The following ITIH6 variants were observed in gnomAD, a reference collection of about 807,000 sequenced individuals.
The protein encoded by ITIH6 is inter-alpha-trypsin inhibitor heavy chain H6.
ITIH6 carries 60 observed loss-of-function variants against 58.2 expected under a neutral mutation model. The observed-to-expected ratio is 1.03, with a 90% CI of 0.84 to 1.28. ITIH6 has a LOEUF of 1.28. Among genes scored for constraint, ITIH6 ranks in the 50% most tolerant of loss-of-function variants. The pLI is 0.00. For synonymous variants in ITIH6, 493 were observed against 417.4 expected (o/e 1.18, Z -2.21); for missense variants, 1,290 against 1,021.1 (o/e 1.26, Z -3.59).
rs752542836 is a variant in ITIH6, at chrX:54,757,839, T to G, written c.2235A>C (p.Ser745=). 1.2e-5 allele frequency: 14 copies of G among 1,209,463 alleles called. No individual in the cohort carries two copies. The highest frequency in any genetic ancestry group is 1.6e-5 in the Non-Finnish European group (14 of 895,030). Residue 745 remains serine, a synonymous_variant, in exon 8 of 13, where the codon TCA becomes TCC. Coordinates refer to ENST00000218436, the MANE Select transcript of ITIH6 (RefSeq NM_198510.3). ...TLLPLKPGSL[S]HQNPDILPTN... ...TGGGTAATATATCAGGATTCTGGTG[T>G]GATAGAGAGCCGGGCTTCAGAGGCA...
intron 6 of ITIH6, among the ~76,000 whole-genome samples, chrX:54,764,514 A>G (rs1370494596): frequency 9.5e-6 from 1 of 105,197 alleles, no homozygotes; most frequent in Non-Finnish European, 1.9e-5. Context: ...GCAGTGTTTG[A>G]TTTTTTGTTC....
chrX:54,786,837 C>T (rs192810674), intron 5 of ITIH6, among the ~76,000 whole-genome samples: 2 of 111,640 alleles, frequency 1.8e-5, no homozygotes, highest in South Asian at 3.8e-4. Flanking sequence ...GATACCCTTC[C>T]GGGTTCCCAA....
chrX:54,757,519 A>G lies in ITIH6; in HGVS notation c.2555T>C (p.Ile852Thr), dbSNP rs150850201. The G allele has an allele frequency of 2.1e-3, 2,570 of 1,207,899 alleles. 27 individuals are homozygous for G. The African/African-American group carries it at 0.039, about 18-fold the overall frequency. The change falls in exon 8 of 13, where the codon ATC becomes ACC. Residue 852 changes from isoleucine (I) to threonine (T), a missense_variant. By Grantham distance (89) the Ile-to-Thr change is moderately conservative. Transcript: ENST00000218436. ...PGILLSKTPK[I>T]LLSLKPSAPP... is the part of the protein sequence containing the mutation. Reference sequence around the variant, plus strand: ...GGCACTCGGTTTAAGAGATAATAAGATTTTAGGGGTCTTGGACAAGAGGAT... The same window carrying G: ...GGCACTCGGTTTAAGAGATAATAAGGTTTTAGGGGTCTTGGACAAGAGGAT...
At chrX:54,751,443 C>G (rs1602048684) in intron 11 of ITIH6, 63 bp from the exon 12 acceptor site, 1 of 1,141,297 alleles carries the variant, frequency 8.8e-7, no homozygotes, top group East Asian at 3.0e-5. Flanking sequence ...CATGGTCACC[C>G]ACAGCATGGG....
chrX:54,764,039 G>A (rs779729694), intron 6 of ITIH6, among the ~76,000 whole-genome samples: 1 of 111,635 alleles, frequency 9.0e-6, no homozygotes, highest in Non-Finnish European at 1.9e-5. Context: ...TGTTAGCATG[G>A]TATATCTTTC....
chrX:54,774,144 C>T lies in ITIH6; in HGVS notation c.840G>A (p.Met280Ile), dbSNP rs756716413. The T allele has an allele frequency of 2.6e-5, 31 of 1,184,101 alleles. No homozygotes were observed. In the East Asian group the frequency reaches 9.2e-4, roughly 35 times the overall value. The change falls in exon 6 of 13, where the codon ATG becomes ATA. Residue 280 changes from methionine (M) to isoleucine (I), a missense_variant. By Grantham distance (10) the Met-to-Ile change is conservative. Transcript: ENST00000218436. ...HYFAPRGLPPMEKNVVFVIDV... is the reference protein window; with the variant it reads ...HYFAPRGLPPIEKNVVFVIDV... ...CAATAACAAAAACCACATTCTTCTCCATAGGTGGAAGGCCTCTGGGGGCAA... is the reference window on the plus strand; with the variant it reads ...CAATAACAAAAACCACATTCTTCTCTATAGGTGGAAGGCCTCTGGGGGCAA...
At chrX:54,791,783 C>T (rs1048137201) in intron 3 of ITIH6, 143 bp downstream of exon 3, 2 of 395,774 alleles carry the variant, frequency 5.1e-6, no homozygotes, top group Non-Finnish European at 8.8e-6. Flanking sequence ...CATTAACTCA[C>T]ATCATCTTCA....
At chrX:54,776,139 C>T (rs1413242871) in intron 5 of ITIH6, among the ~76,000 whole-genome samples, 1 of 109,749 alleles carries the variant, frequency 9.1e-6, no homozygotes, top group Non-Finnish European at 1.9e-5. Flanking sequence ...GAGAGTGCAG[C>T]TATTGTGAGG....
At chrX:54,754,934 G>T in intron 9 of ITIH6, 83 bp downstream of exon 9, 1 of 714,718 alleles carries the variant, frequency 1.4e-6, no homozygotes, top group Non-Finnish European at 2.2e-6. Context: ...ACTTCCCTCT[G>T]GTCTCCCACA....
chrX:54,768,519 G>T (rs867358782), intron 6 of ITIH6, among the ~76,000 whole-genome samples: 3,969 of 97,886 alleles, frequency 0.041, 321 homozygotes, highest in African/African-American at 0.15. Context: ...TGATTTTGCA[G>T]CGGCTGGTAC....
At chrX:54,767,944 C>A (rs1372369900) in intron 6 of ITIH6, among the ~76,000 whole-genome samples, 1 of 93,366 alleles carries the variant, frequency 1.1e-5, no homozygotes, top group Admixed American at 1.2e-4. Context: ...CCTGGGTATC[C>A]TTGTTGACTT....
intron 5 of ITIH6, among the ~76,000 whole-genome samples, chrX:54,785,272 A>G (rs942797573): frequency 1.8e-5 from 2 of 110,891 alleles, no homozygotes; most frequent in African/African-American, 6.6e-5. Context: ...AAGAAAAGTG[A>G]GAAATAATGG....
chrX:54,798,138 G>T lies in ITIH6; in HGVS notation c.73C>A (p.Pro25Thr). 3.4e-6 allele frequency: 4 copies of T among 1,191,377 alleles called. No homozygotes were observed. The highest frequency in any genetic ancestry group is 3.4e-6 in the Non-Finnish European group (3 of 885,019). Reference sequence around the variant, plus strand: ...GTGCTTGATGAAGCGGGGACAGGGGGTCCCTGGTATGTCAGTTCAAGAAGA... The same window carrying T: ...GTGCTTGATGAAGCGGGGACAGGGGTTCCCTGGTATGTCAGTTCAAGAAGA... The part of the protein sequence containing the change: ...TILLELTYQG[P>T]PVPASSSTKL... The change falls in exon 1 of 13, where the codon CCC becomes ACC. Residue 25 changes from proline to threonine, a missense_variant. Physicochemically the swap from Pro to Thr is conservative, Grantham distance 38. Transcript: ENST00000218436.
intron 5 of ITIH6, among the ~76,000 whole-genome samples, chrX:54,786,657 C>T (rs1929248231): frequency 1.8e-5 from 2 of 111,630 alleles, no homozygotes; most frequent in South Asian, 3.7e-4. Context: ...TTATTCATTC[C>T]GTAACACACA....
In ITIH6 at chrX:54,757,088, C is replaced by T. The variant is rs1370135414; in HGVS notation, c.2986G>A (p.Ala996Thr). Reference sequence around the variant, plus strand: ...TCAGGGAGAAGGAGCAGACTGATGGCCTCAGGGAGGATGCTAGAAGGCAGC... The same window carrying T: ...TCAGGGAGAAGGAGCAGACTGATGGTCTCAGGGAGGATGCTAGAAGGCAGC... ...ILLPSSILPE[A>T]ISLLLLPEEL... is the part of the protein sequence containing the mutation. The change falls in exon 8 of 13, where the codon GCC becomes ACC. Residue 996 changes from alanine (A) to threonine (T), a missense_variant. By Grantham distance (58) the Ala-to-Thr change is moderately conservative (BLOSUM62 0). Coordinates refer to ENST00000218436, the MANE Select transcript of ITIH6 (RefSeq NM_198510.3). The T allele has an allele frequency of 8.3e-6, 10 of 1,209,672 alleles. No homozygotes were observed. The highest frequency in any genetic ancestry group is 6.6e-5 in the Admixed American group (3 of 45,780).
rs781161017 is a variant in ITIH6, at chrX:54,757,675, T to A, written c.2399A>T (p.Gln800Leu). The A allele has an allele frequency of 1.7e-6, 2 of 1,211,121 alleles. No homozygotes were observed. The highest frequency in any genetic ancestry group is 4.3e-5 in the Admixed American group (2 of 46,011). The part of the protein sequence containing the change: ...SHPQLGALTS[Q>L]APKGLPQSRP... ...TGACTGTGGCAGGCCTTTAGGTGCC[T>A]GTGATGTGAGTGCCCCAAGTTGGGG... Residue 800 changes from glutamine to leucine, a missense_variant, in exon 8 of 13, where the codon CAG becomes CTG. Coordinates refer to ENST00000218436, the MANE Select transcript of ITIH6 (RefSeq NM_198510.3).
Position 54,779,572 on chromosome X carries a change from A to G in ITIH6, c.787-5375T>C, listed in dbSNP as rs776321629. Among the ~76,000 whole-genome samples, 5 of 111,221 alleles carry G rather than the reference A, an allele frequency of 4.5e-5. No individual in the cohort carries two copies. The South Asian group carries it at 1.9e-3, about 42-fold the overall frequency. On this transcript the variant is annotated intron_variant, in intron 5 of 12. Coordinates refer to ENST00000218436, the MANE Select transcript of ITIH6 (RefSeq NM_198510.3). ...AGAAAATAAAAAAGTAAGAAACTAA[A>G]TCATATTACCAAAGAAAATAATCTT... is the stretch of plus-strand genomic sequence containing the variant.
chrX:54,771,746 A>G (rs1385532966), intron 6 of ITIH6, among the ~76,000 whole-genome samples: 1 of 112,041 alleles, frequency 8.9e-6, no homozygotes, highest in Non-Finnish European at 1.9e-5. Flanking sequence ...AATGCTTAAC[A>G]TCACTGATCA....
intron 11 of ITIH6, 142 bp from the exon 12 acceptor site, chrX:54,751,522 C>T (rs771517236): frequency 3.0e-6 from 2 of 666,081 alleles, no homozygotes; most frequent in Admixed American, 6.9e-5. Flanking sequence ...CCATGGTCCA[C>T]CTGGCTGCTC....
Sources: gnomAD v4.1 joint callset for allele counts (sites outside exome capture counted in the v4.1 genomes callset) on GRCh38, gnomAD v4.1.1 for gene constraint, MANE v1.5 for transcripts, NCBI Gene and HGNC (gene_info 2026-07-23, HGNC 2026-07-21) for gene names.